Variants in ADGRL3 observed in about 807,000 individuals in gnomAD.
ADGRL3 encodes the protein calcium-independent alpha-latrotoxin receptor 3.
ADGRL3 carries 62 observed loss-of-function variants against 153.5 expected under a neutral mutation model. That is an observed-to-expected ratio of 0.40 (90% CI 0.33 to 0.50). The LOEUF is 0.50. Among genes scored for constraint, ADGRL3 ranks in the 20% least tolerant of loss-of-function variants. The probability of loss-of-function intolerance (pLI) is 0.47; values close to 1 mark genes in which losing one functional copy is unlikely to be tolerated. For missense variants in ADGRL3, 1,641 were observed against 1,859.4 expected (o/e 0.88, Z 2.16); for synonymous variants, 710 against 672.5 (o/e 1.06, Z -0.86).
chr4:61,574,185 A>C (rs2098852283), intron 4 of ADGRL3, among the ~76,000 whole-genome samples: 1 of 151,934 alleles, frequency 6.6e-6, no homozygotes, highest in Non-Finnish European at 1.5e-5. Context: ...CTAAACCATC[A>C]GCATTACTAG....
intron 1 of ADGRL3, among the ~76,000 whole-genome samples, chr4:61,291,557 TATATATATAC>T (rs1400714824): frequency 8.3e-6 from 1 of 120,644 alleles, no homozygotes. Flanking sequence ...AAGGGAAGAC[TATATATATAC>T]ATATATATAT....
At chr4:61,233,839 T>C (rs1751745532) in intron 1 of ADGRL3, among the ~76,000 whole-genome samples, 2 of 152,126 alleles carry the variant, frequency 1.3e-5, no homozygotes, top group African/African-American at 4.8e-5. Context: ...TGGGAATGTC[T>C]ACTGGATGTA....
intron 3 of ADGRL3, among the ~76,000 whole-genome samples, chr4:61,511,218 G>T (rs529385768): frequency 1.3e-5 from 2 of 152,156 alleles, no homozygotes; most frequent in African/African-American, 4.8e-5. Context: ...AAATTAGCCG[G>T]ACATGGTGGC....
At chr4:61,672,664 G>A (rs1337548523) in intron 5 of ADGRL3, among the ~76,000 whole-genome samples, 1 of 151,948 alleles carries the variant, frequency 6.6e-6, no homozygotes, top group African/African-American at 2.4e-5. Flanking sequence ...TGTTCAAAAA[G>A]ACAAAAGATA....
rs1273747062 is a variant in ADGRL3, at chr4:61,314,915, A to G, written c.-239-68209A>G. 2.0e-5 allele frequency among the ~76,000 whole-genome samples: 3 copies of G among 152,204 alleles called. No individual in the cohort carries two copies. The East Asian group carries it at 5.8e-4, about 29-fold the overall frequency. The stretch of plus-strand genomic sequence containing the variant: ...AGCTATTTTTAATGGTTGGTTGGAA[A>G]TTGAATCTATTATCTGATTATCTGT... On this transcript the variant is annotated intron_variant, in intron 1 of 26. Transcript: ENST00000683033.
At chr4:61,306,378 G>A (rs930255039) in intron 1 of ADGRL3, among the ~76,000 whole-genome samples, 122 of 152,182 alleles carry the variant, frequency 8.0e-4, no homozygotes, top group African/African-American at 2.6e-3. Flanking sequence ...GATTACAGGC[G>A]TGAGTCACCC....
Position 61,330,504 on chromosome 4 carries a change from AAGCTTGCACAC to A in ADGRL3, c.-239-52616_-239-52606del, listed in dbSNP as rs540157249. On this transcript the variant is annotated intron_variant, in intron 1 of 26. Transcript: ENST00000683033. ...TATGCCTGCAGCTTTCCCGGTTCTCAAGCTTGCACACAGCAGCAGATTATGGGATCCTTTGG... is the reference window on the plus strand; with the variant it reads ...TATGCCTGCAGCTTTCCCGGTTCTCAAGCAGCAGATTATGGGATCCTTTGG... Among the ~76,000 whole-genome samples, 63 of 152,166 alleles carry A rather than the reference AAGCTTGCACAC, an allele frequency of 4.1e-4. 1 individual carries two copies. The South Asian group carries it at 7.7e-3, about 19-fold the overall frequency.
Position 61,767,312 on chromosome 4 carries a change from T to C in ADGRL3, c.1399+33758T>C, listed in dbSNP as rs1017678906. Among the ~76,000 whole-genome samples, 5 of 150,872 alleles carry C rather than the reference T, an allele frequency of 3.3e-5. No homozygotes were observed. The East Asian group carries it at 7.8e-4, about 24-fold the overall frequency. ...GCAGGTGGGGACAACTAAAAAGGAG[T>C]GCTTAAAAGAGTATTGTCTAAGTTG... On this transcript the variant is annotated intron_variant, in intron 8 of 26. Transcript: ENST00000683033.
intron 21 of ADGRL3, among the ~76,000 whole-genome samples, chr4:62,004,802 A>G (rs927944909): frequency 6.6e-6 from 1 of 152,240 alleles, no homozygotes; most frequent in African/African-American, 2.4e-5. Flanking sequence ...GCTAGAAAAA[A>G]TAATACATTT....
intron 11 of ADGRL3, among the ~76,000 whole-genome samples, chr4:61,903,677 A>G (rs1179567188): frequency 1.4e-5 from 2 of 140,610 alleles, no homozygotes; most frequent in African/African-American, 5.1e-5. Flanking sequence ...AAAAAAAAAA[A>G]AAAAAAGAAT....
intron 5 of ADGRL3, among the ~76,000 whole-genome samples, chr4:61,632,200 C>T (rs984388960): frequency 3.9e-5 from 6 of 151,930 alleles, no homozygotes; most frequent in South Asian, 2.1e-4. Flanking sequence ...ATGAGTTTTT[C>T]GTTTTGAAAT....
chr4:61,485,547 A>T (rs2098181403), intron 2 of ADGRL3, among the ~76,000 whole-genome samples: 1 of 152,206 alleles, frequency 6.6e-6, no homozygotes, highest in Non-Finnish European at 1.5e-5. Context: ...ACTGACCCTC[A>T]TGATAACCAA....
chr4:61,866,741 C>T (rs911750682), intron 9 of ADGRL3, among the ~76,000 whole-genome samples: 53 of 152,114 alleles, frequency 3.5e-4, no homozygotes, highest in African/African-American at 1.1e-3. Context: ...AACTAAAATG[C>T]GTCTCTCCCC....
chr4:61,906,662 A>G (rs774023173), intron 11 of ADGRL3, among the ~76,000 whole-genome samples: 18 of 152,200 alleles, frequency 1.2e-4, no homozygotes, highest in South Asian at 8.3e-4. Context: ...ATAGTAGTTT[A>G]TGGAGGTGAT....
At chr4:61,778,681 A>C (rs1283144008) in intron 8 of ADGRL3, among the ~76,000 whole-genome samples, 1 of 152,232 alleles carries the variant, frequency 6.6e-6, no homozygotes, top group Non-Finnish European at 1.5e-5. Context: ...ATTAACCATT[A>C]GTATTGACAG....
intron 1 of ADGRL3, among the ~76,000 whole-genome samples, chr4:61,348,648 C>A (rs146180440): frequency 0.011 from 1,672 of 151,818 alleles, 32 homozygotes; most frequent in African/African-American, 0.039. Flanking sequence ...ATACAGCAAG[C>A]CTGAATGTGA....
intron 24 of ADGRL3, 133 bp downstream of exon 24, chr4:62,037,989 G>A: frequency 1.1e-6 from 1 of 918,694 alleles, no homozygotes; most frequent in Non-Finnish European, 1.6e-6. Flanking sequence ...TCTCACATGG[G>A]AATGATTCTG....
chr4:61,685,742 GT>G (rs1462906461), intron 6 of ADGRL3, among the ~76,000 whole-genome samples: 3 of 152,064 alleles, frequency 2.0e-5, no homozygotes, highest in Admixed American at 2.0e-4. Flanking sequence ...ATGAAAATCA[GT>G]TTTTTTCAAG....
At chr4:61,448,800 G>A (rs1235889282) in intron 2 of ADGRL3, among the ~76,000 whole-genome samples, 1 of 96,848 alleles carries the variant, frequency 1.0e-5, no homozygotes, top group Non-Finnish European at 2.0e-5. Context: ...GGGTAGGAGG[G>A]AGGAAGGGAG....
Sources: gnomAD v4.1 joint callset for allele counts (sites outside exome capture counted in the v4.1 genomes callset) on GRCh38, gnomAD v4.1.1 for gene constraint, MANE v1.5 for transcripts, NCBI Gene and HGNC (gene_info 2026-07-23, HGNC 2026-07-21) for gene names.